The following SLC14A2 variants were observed in gnomAD, a reference collection of about 807,000 sequenced individuals.
SLC14A2 encodes solute carrier family 14 member 2.
In SLC14A2, 91 loss-of-function variants were observed where a neutral mutation model predicts 104.6. That is an observed-to-expected ratio of 0.87 (90% CI 0.73 to 1.04). The LOEUF (loss-of-function observed/expected upper bound fraction) is 1.04. Among genes scored for constraint, SLC14A2 ranks in the 50% least tolerant of loss-of-function variants. SLC14A2 has a pLI of 0.00. For synonymous variants in SLC14A2, 476 were observed against 466.4 expected (o/e 1.02, Z -0.27); for missense variants, 1,189 against 1,156.0 (o/e 1.03, Z -0.41).
intron 2 of SLC14A2, among the ~76,000 whole-genome samples, chr18:45,531,115 T>C (rs2043678739): frequency 6.6e-6 from 1 of 152,166 alleles, no homozygotes; most frequent in South Asian, 2.1e-4. Flanking sequence ...GACATTTGGG[T>C]TGGTTCCAAG....
chr18:45,286,299 G>A (rs1599644173), intron 1 of SLC14A2, among the ~76,000 whole-genome samples: 3 of 152,270 alleles, frequency 2.0e-5, no homozygotes, highest in South Asian at 2.1e-4. Context: ...CCTCAGAGAT[G>A]CTTGGATTCA....
intron 1 of SLC14A2, among the ~76,000 whole-genome samples, chr18:45,425,856 C>T (rs1026313664): frequency 1.3e-5 from 2 of 151,930 alleles, no homozygotes; most frequent in Non-Finnish European, 2.9e-5. Flanking sequence ...GGTAAACAGT[C>T]CTAGGGTATT....
chr18:45,179,590 C>T, the SLC14A2 span, among the ~76,000 whole-genome samples: 1 of 152,044 alleles, frequency 6.6e-6, no homozygotes, highest in African/African-American at 2.4e-5. Context: ...GACATCAGAC[C>T]TTTCCTCAGT....
chr18:45,416,528 G>T (rs542595401), intron 1 of SLC14A2, among the ~76,000 whole-genome samples: 2 of 152,096 alleles, frequency 1.3e-5, no homozygotes, highest in Non-Finnish European at 1.5e-5. Context: ...CATTCAAGGC[G>T]CAGAGTGCAG....
intron 2 of SLC14A2, among the ~76,000 whole-genome samples, chr18:45,535,444 T>C (rs916450245): frequency 2.0e-5 from 3 of 152,202 alleles, no homozygotes; most frequent in Non-Finnish European, 2.9e-5. Context: ...TCTCCGTTAC[T>C]CCGTAGCGTT....
intron 1 of SLC14A2, among the ~76,000 whole-genome samples, chr18:45,467,029 A>G (rs2144656477): frequency 6.6e-6 from 1 of 152,248 alleles, no homozygotes; most frequent in South Asian, 2.1e-4. Flanking sequence ...CTTTTGGGGT[A>G]TCTAAGCAGA....
chr18:45,347,538 CAT>C (rs1303052382), intron 1 of SLC14A2, among the ~76,000 whole-genome samples: 1 of 152,248 alleles, frequency 6.6e-6, no homozygotes, highest in Non-Finnish European at 1.5e-5. Context: ...CCACCTCTGT[CAT>C]AGATCAGGAA....
chr18:45,217,544 G>T (rs1599581046), intron 1 of SLC14A2, among the ~76,000 whole-genome samples: 1 of 151,886 alleles, frequency 6.6e-6, no homozygotes, highest in Non-Finnish European at 1.5e-5. Context: ...GAGGGAAAGG[G>T]TTCTCAATCA....
chr18:45,592,999 T>C (rs1296002015), intron 2 of SLC14A2, among the ~76,000 whole-genome samples: 1 of 152,090 alleles, frequency 6.6e-6, no homozygotes, highest in African/African-American at 2.4e-5. Context: ...AGATCCAAAG[T>C]TCTAGACCAG....
At chr18:45,357,774 G>A (rs2144320362) in intron 1 of SLC14A2, among the ~76,000 whole-genome samples, 1 of 152,272 alleles carries the variant, frequency 6.6e-6, no homozygotes, top group Middle Eastern at 3.4e-3. Flanking sequence ...CAGTGGACTT[G>A]CAGGAACCCT....
intron 1 of SLC14A2, among the ~76,000 whole-genome samples, chr18:45,228,852 G>A (rs994945337): frequency 3.0e-4 from 46 of 152,142 alleles, no homozygotes; most frequent in East Asian, 1.9e-4. Flanking sequence ...TGCATATGGC[G>A]AAGGCTCTGG....
At chr18:45,473,645 G>T (rs1013685619) in intron 1 of SLC14A2, among the ~76,000 whole-genome samples, 10 of 152,104 alleles carry the variant, frequency 6.6e-5, no homozygotes, top group Non-Finnish European at 1.2e-4. Context: ...TAGCAGTTGC[G>T]AACAGGAGTT....
At chr18:45,406,727 T>C (rs773050425) in intron 1 of SLC14A2, among the ~76,000 whole-genome samples, 30 of 152,308 alleles carry the variant, frequency 2.0e-4, no homozygotes, top group Non-Finnish European at 3.7e-4. Flanking sequence ...CAACATCCAT[T>C]GTTGGCATGG....
At chr18:45,215,640 C>G (rs954817156) in intron 1 of SLC14A2, among the ~76,000 whole-genome samples, 1 of 152,208 alleles carries the variant, frequency 6.6e-6, no homozygotes, top group Non-Finnish European at 1.5e-5. Context: ...GATGCTCAAA[C>G]ATTTTTGAAG....
chr18:45,193,184 T>A, the SLC14A2 span, among the ~76,000 whole-genome samples: 3 of 152,232 alleles, frequency 2.0e-5, no homozygotes, highest in Admixed American at 6.5e-5. Context: ...AATCTGTAAC[T>A]TGTCTTTTCA....
chr18:45,565,850 A>G (rs2044258995), intron 2 of SLC14A2, among the ~76,000 whole-genome samples: 1 of 152,108 alleles, frequency 6.6e-6, no homozygotes, highest in African/African-American at 2.4e-5. Flanking sequence ...CTTCACTCCA[A>G]TAAATCATCC....
Position 45,523,384 on chromosome 18 carries a change from C to T in SLC14A2, c.-35+40062C>T, listed in dbSNP as rs75846831. Among the ~76,000 whole-genome samples the T allele has an allele frequency of 1.3e-4, 19 of 151,990 alleles. No homozygotes were observed. In the East Asian group the frequency reaches 3.7e-3, roughly 29 times the overall value. ...TCACTCTGTCACCCAGGCTGGAGTG[C>T]AGTGGCGCAATCTCGGCTCACTGCA... On this transcript the variant is annotated intron_variant, in intron 2 of 20. Transcript: ENST00000586448.
chr18:45,657,805 A>C (rs2045866999), intron 10 of SLC14A2, among the ~76,000 whole-genome samples: 1 of 152,214 alleles, frequency 6.6e-6, no homozygotes, highest in Non-Finnish European at 1.5e-5. Context: ...TTCAATTCTA[A>C]CATCCAATGC....
intron 1 of SLC14A2, among the ~76,000 whole-genome samples, chr18:45,473,551 C>T (rs2087293701): frequency 6.6e-6 from 1 of 152,146 alleles, no homozygotes; most frequent in African/African-American, 2.4e-5. Context: ...TCTCTTATTT[C>T]CTTGAGCAGT....
Sources: allele counts gnomAD v4.1 joint callset (sites outside exome capture counted in the v4.1 genomes callset), GRCh38; gene constraint gnomAD v4.1.1; transcripts MANE v1.5; gene names NCBI Gene and HGNC (gene_info 2026-07-23, HGNC 2026-07-21).